CNTN5: variants seen among roughly 807,000 people sequenced by gnomAD.
CNTN5 encodes contactin-5.
CNTN5 carries 77 observed loss-of-function variants against 129.1 expected under a neutral mutation model. That is an observed-to-expected ratio of 0.60 (90% CI 0.50 to 0.72). The LOEUF is 0.72. Ranked by LOEUF, CNTN5 falls within the 30% of genes least tolerant of loss-of-function variation. The pLI, the probability that CNTN5 is intolerant of heterozygous loss-of-function variation, is 0.00. For synonymous variants in CNTN5, 509 were observed against 465.6 expected (o/e 1.09, Z -1.20); for missense variants, 1,478 against 1,328.8 (o/e 1.11, Z -1.75).
intron 1 of CNTN5, among the ~76,000 whole-genome samples, chr11:99,117,923 T>C (rs992729265): frequency 3.9e-5 from 6 of 152,238 alleles, no homozygotes; most frequent in Non-Finnish European, 7.3e-5. Context: ...ATCCAGTCCA[T>C]GCTATTTGTT....
intron 4 of CNTN5, among the ~76,000 whole-genome samples, chr11:99,825,805 T>C (rs745884816): frequency 1.3e-5 from 2 of 152,156 alleles, no homozygotes; most frequent in Non-Finnish European, 2.9e-5. Context: ...TTTTTTCTAA[T>C]GCTTGCCATT....
At chr11:99,559,783 C>A (rs1948781632) in intron 3 of CNTN5, among the ~76,000 whole-genome samples, 1 of 152,006 alleles carries the variant, frequency 6.6e-6, no homozygotes. Flanking sequence ...GTAATAATAA[C>A]CCCAAACTGG....
chr11:99,971,926 C>T (rs1036984632), intron 8 of CNTN5, among the ~76,000 whole-genome samples: 1 of 149,870 alleles, frequency 6.7e-6, no homozygotes, highest in Non-Finnish European at 1.5e-5. Context: ...ACATTTGTAT[C>T]AGGATAATTG....
At chr11:99,959,076 T>G (rs1050081579) in intron 8 of CNTN5, among the ~76,000 whole-genome samples, 1 of 152,204 alleles carries the variant, frequency 6.6e-6, no homozygotes, top group African/African-American at 2.4e-5. Flanking sequence ...CGCTGATATT[T>G]AAATCCCTTT....
intron 2 of CNTN5, among the ~76,000 whole-genome samples, chr11:99,337,924 A>C (rs1453165978): frequency 2.6e-5 from 4 of 152,196 alleles, no homozygotes; most frequent in African/African-American, 9.6e-5. Flanking sequence ...TTACTATTGA[A>C]ATGACTACTA....
At chr11:99,155,426 C>T (rs532311330) in intron 1 of CNTN5, among the ~76,000 whole-genome samples, 2 of 152,276 alleles carry the variant, frequency 1.3e-5, no homozygotes, top group African/African-American at 4.8e-5. Context: ...CACAACTACA[C>T]GCTTTGCTGT....
chr11:99,782,940 A>G (rs1267009580), intron 3 of CNTN5, among the ~76,000 whole-genome samples: 1 of 151,756 alleles, frequency 6.6e-6, no homozygotes, highest in East Asian at 2.0e-4. Context: ...TGTCTAAAAC[A>G]CCAAAAGCAA....
chr11:99,799,302 G>T (rs1946043116), intron 3 of CNTN5, among the ~76,000 whole-genome samples: 1 of 151,538 alleles, frequency 6.6e-6, no homozygotes, highest in African/African-American at 2.4e-5. Context: ...GGAGTGGTGA[G>T]AATGGCGCAT....
intron 13 of CNTN5, among the ~76,000 whole-genome samples, chr11:100,179,194 TA>T (rs1365918584): frequency 6.6e-6 from 1 of 152,126 alleles, no homozygotes; most frequent in Non-Finnish European, 1.5e-5. Context: ...TTGTACCCAT[TA>T]ACTATCGTCA....
chr11:100,162,290 A>G (rs564904115), intron 13 of CNTN5, among the ~76,000 whole-genome samples: 1 of 152,024 alleles, frequency 6.6e-6, no homozygotes, highest in South Asian at 2.1e-4. Context: ...TCCATGCCCA[A>G]TCAATGATAA....
Position 99,694,678 on chromosome 11 carries a change from C to G in CNTN5, c.56-124866C>G, listed in dbSNP as rs377117560. Among the ~76,000 whole-genome samples the G allele has an allele frequency of 1.6e-3, 239 of 152,142 alleles. 1 individual carries two copies. Among genetic ancestry groups the G allele is most frequent in the African/African-American group, 5.5e-3 (227 of 41,502 alleles). Reference sequence around the variant, plus strand: ...ATGCTATCCCTCCCCGAGCCCCCCACCCCCTGGCAGTCAGCAGTGTGTGAT... The same window carrying G: ...ATGCTATCCCTCCCCGAGCCCCCCAGCCCCTGGCAGTCAGCAGTGTGTGAT... On this transcript the variant is annotated intron_variant, in intron 3 of 24. Coordinates refer to ENST00000524871, the MANE Select transcript of CNTN5 (RefSeq NM_014361.4).
chr11:99,423,882 T>C (rs973369304), intron 2 of CNTN5, among the ~76,000 whole-genome samples: 7 of 152,104 alleles, frequency 4.6e-5, no homozygotes, highest in Admixed American at 4.6e-4. Flanking sequence ...CGGTGGTGTA[T>C]GATCAAGTAT....
rs1950285346 is a variant in CNTN5, at chr11:100,265,516, A to G, written c.2165-5576A>G. On this transcript the variant is annotated intron_variant, in intron 17 of 24. Transcript: ENST00000524871. ...GCTCCCTCATTCTAAATTAATTTCAATCAAAATTAACTCTAATTTAACAAT... is the reference window on the plus strand; with the variant it reads ...GCTCCCTCATTCTAAATTAATTTCAGTCAAAATTAACTCTAATTTAACAAT... Among the ~76,000 whole-genome samples the G allele has an allele frequency of 2.0e-5, 3 of 152,116 alleles. No individual in the cohort carries two copies. In the South Asian group the frequency reaches 6.2e-4, roughly 31 times the overall value.
intron 1 of CNTN5, among the ~76,000 whole-genome samples, chr11:99,159,033 G>C (rs1860467177): frequency 6.6e-6 from 1 of 152,146 alleles, no homozygotes. Context: ...ATTACTGCCT[G>C]TCCACTTACT....
chr11:99,625,798 T>C (rs372766683), intron 3 of CNTN5, among the ~76,000 whole-genome samples: 2 of 151,826 alleles, frequency 1.3e-5, no homozygotes, highest in East Asian at 1.9e-4. Flanking sequence ...GAGAGTTTCA[T>C]GAAAGATACT....
intron 1 of CNTN5, among the ~76,000 whole-genome samples, chr11:99,097,548 G>A (rs1401239263): frequency 3.3e-5 from 5 of 151,694 alleles, no homozygotes; most frequent in Non-Finnish European, 7.4e-5. Context: ...TAACATCCGT[G>A]CATTTACAGA....
intron 15 of CNTN5, among the ~76,000 whole-genome samples, chr11:100,218,068 A>G (rs528518812): frequency 6.6e-6 from 1 of 152,356 alleles, no homozygotes; most frequent in South Asian, 2.1e-4. Context: ...ACAAACCAGT[A>G]TAAAGTGAAC....
At chr11:100,331,384 T>G (rs1472383058) in intron 21 of CNTN5, among the ~76,000 whole-genome samples, 2 of 152,026 alleles carry the variant, frequency 1.3e-5, no homozygotes, top group African/African-American at 4.8e-5. Flanking sequence ...ACAATAACAG[T>G]GGGATACTTT....
intron 3 of CNTN5, among the ~76,000 whole-genome samples, chr11:99,786,568 C>G (rs968844624): frequency 1.3e-5 from 2 of 151,996 alleles, no homozygotes; most frequent in African/African-American, 4.8e-5. Context: ...GCAAAAAGAA[C>G]AAAGCTGGAG....
Sources: gnomAD v4.1 joint callset for allele counts (sites outside exome capture counted in the v4.1 genomes callset) on GRCh38, gnomAD v4.1.1 for gene constraint, MANE v1.5 for transcripts, NCBI Gene and HGNC (gene_info 2026-07-23, HGNC 2026-07-21) for gene names.